Variants in PCDHA7 observed in about 807,000 individuals in gnomAD.
PCDHA7 encodes protocadherin alpha-7.
In PCDHA7, 37 loss-of-function variants were observed where a neutral mutation model predicts 57.2. The ratio of observed to expected loss-of-function variants is 0.65; its 90% confidence interval spans 0.50 to 0.85. The LOEUF (loss-of-function observed/expected upper bound fraction) is 0.85. PCDHA7 is among the 40% of genes least tolerant of loss of function. The pLI, the probability that PCDHA7 is intolerant of heterozygous loss-of-function variation, is 0.00. For synonymous variants in PCDHA7, 553 were observed against 558.8 expected (o/e 0.99, Z 0.15); for missense variants, 1,188 against 1,241.8 (o/e 0.96, Z 0.65).
At chr5:140,936,925 T>C (rs1554211273) in intron 1 of PCDHA7, among the ~76,000 whole-genome samples, 2 of 152,208 alleles carry the variant, frequency 1.3e-5, no homozygotes, top group African/African-American at 2.4e-5. Context: ...AAATATGGGG[T>C]ATATTGAAAA....
At position 141,010,104 on chromosome 5, in the gene PCDHA7, T is replaced by G; in HGVS notation, c.*167T>G. ...TGTCTAGAACGCATTTAACAGGTTTTGTCGTAAAAGCTTTACTAAGTCTGG... is the reference window on the plus strand; with the variant it reads ...TGTCTAGAACGCATTTAACAGGTTTGGTCGTAAAAGCTTTACTAAGTCTGG... On this transcript the variant is annotated 3_prime_UTR_variant, in exon 4 of 4. Coordinates refer to ENST00000525929, the MANE Select transcript of PCDHA7 (RefSeq NM_018910.3). 1 of 1,612,408 alleles carries G rather than the reference T, an allele frequency of 6.2e-7. No individual in the cohort carries two copies. Among genetic ancestry groups the G allele is most frequent in the Non-Finnish European group, 8.5e-7 (1 of 1,179,092 alleles).
At position 140,856,679 on chromosome 5, in the gene PCDHA7, T is replaced by C. The variant is rs781823964; in HGVS notation, c.2355+19941T>C. 1.0e-4 allele frequency: 165 copies of C among 1,597,704 alleles called. 10 individuals are homozygous for C. Among genetic ancestry groups the C allele is most frequent in the Non-Finnish European group, 1.4e-4 (162 of 1,167,324 alleles). On this transcript the variant is annotated intron_variant, in intron 1 of 3. Transcript: ENST00000525929. ...AGAAAATCCTCAGCTAAAGTTGTTG[T>C]TGACAGCAACTGATGGAGGCAAACC...
intron 1 of PCDHA7, chr5:140,966,387 C>G: frequency 2.5e-6 from 1 of 405,008 alleles, no homozygotes. Context: ...GGTTCGCTGT[C>G]CGCCACTTCG....
rs2150519656 is a variant in PCDHA7, at chr5:140,852,588, T to TA, written c.2355+15850_2355+15851insA. On this transcript the variant is annotated intron_variant, in intron 1 of 3. Transcript: ENST00000525929. ...ACTGTGCCAAGGCTTTTTTATTTTT[T>TA]TTTTTTGTCATTTTCTTTCAAAACT... is the stretch of plus-strand genomic sequence containing the variant. The TA allele has an allele frequency of 3.3e-3, 2,940 of 881,502 alleles. 187 individuals are homozygous for TA. In the African/African-American group the frequency reaches 0.044, roughly 13 times the overall value. The allele number at this position is 881,502 out of a possible 1,614,324, so 54.6% of individuals were successfully genotyped here.
intron 1 of PCDHA7, chr5:140,875,761 G>A (rs373515339): frequency 1.9e-6 from 3 of 1,614,236 alleles, no homozygotes; most frequent in East Asian, 2.2e-5. Flanking sequence ...GAAGCTGTGC[G>A]GGCGGAGCGC....
chr5:140,915,324 T>G (rs782080439), intron 1 of PCDHA7, among the ~76,000 whole-genome samples: 1 of 152,210 alleles, frequency 6.6e-6, no homozygotes, highest in Non-Finnish European at 1.5e-5. Flanking sequence ...ATTACAGTGT[T>G]ATAATATTCT....
chr5:140,897,289 C>T (rs1027792864), intron 1 of PCDHA7, among the ~76,000 whole-genome samples: 2 of 150,912 alleles, frequency 1.3e-5, no homozygotes, highest in Non-Finnish European at 3.0e-5. Flanking sequence ...CCCATTAACT[C>T]GTCATTTAGC....
chr5:140,997,859 T>C (rs2097788506), intron 3 of PCDHA7, among the ~76,000 whole-genome samples: 1 of 152,216 alleles, frequency 6.6e-6, no homozygotes, highest in Non-Finnish European at 1.5e-5. Context: ...TACATATTTC[T>C]TATGCATGCT....
At chr5:140,946,634 A>ATATATAT (rs1554217761) in intron 1 of PCDHA7, among the ~76,000 whole-genome samples, 3 of 147,376 alleles carry the variant, frequency 2.0e-5, no homozygotes, top group African/African-American at 5.1e-5. Context: ...ATATATATAC[A>ATATATAT]ATGGAATACT....
At chr5:140,842,571 G>T (rs1554139191) in intron 1 of PCDHA7, 2 of 1,508,202 alleles carry the variant, frequency 1.3e-6, no homozygotes, top group African/African-American at 1.5e-5. Context: ...GACCGCGAGA[G>T]AGTGTCGGCC....
rs2150234654 is a variant in PCDHA7 at position 140,835,375 on chromosome 5, C to A, written c.992C>A (p.Ala331Asp). The A allele has an allele frequency of 1.9e-6, 3 of 1,613,974 alleles. No homozygotes were observed. Among genetic ancestry groups the A allele is most frequent in the South Asian group, 1.1e-5 (1 of 91,076 alleles). The change falls in exon 1 of 4, where the codon GCT (alanine) becomes GAT (aspartate). Residue 331 changes from alanine to aspartate, a missense_variant. Around this residue, in one of 3 missense-constraint regions of PCDHA7, gnomAD observed 102 missense variants for 267.4 expected, o/e 0.38. Transcript: ENST00000525929. ...EAVDKGFPPL[A>D]GHCTVLVEVV... is the part of the protein sequence containing the mutation. ...GTCGATAAAGGCTTCCCACCCCTGGCTGGTCATTGTACAGTTCTTGTGGAA... is the reference window on the plus strand; with the variant it reads ...GTCGATAAAGGCTTCCCACCCCTGGATGGTCATTGTACAGTTCTTGTGGAA...
At chr5:140,942,638 A>T (rs1478847405) in intron 1 of PCDHA7, among the ~76,000 whole-genome samples, 1 of 152,122 alleles carries the variant, frequency 6.6e-6, no homozygotes, top group Non-Finnish European at 1.5e-5. Context: ...AAATGGCAAA[A>T]GAGATCTCAT....
chr5:140,846,727 C>T (rs2150394030), intron 1 of PCDHA7, among the ~76,000 whole-genome samples: 16 of 149,262 alleles, frequency 1.1e-4, no homozygotes, highest in Non-Finnish European at 1.2e-4. Context: ...CTTCATTAAA[C>T]ATTAAATAGG....
intron 1 of PCDHA7, among the ~76,000 whole-genome samples, chr5:140,905,871 G>C (rs889363141): frequency 6.6e-6 from 1 of 152,078 alleles, no homozygotes; most frequent in African/African-American, 2.4e-5. Context: ...ACAATCACAA[G>C]GCCCAACAAT....
chr5:140,883,445 G>A, intron 1 of PCDHA7: 1 of 1,614,164 alleles, frequency 6.2e-7, no homozygotes, highest in South Asian at 1.1e-5. Flanking sequence ...GACGCCGCAT[G>A]TCCCCTTCAA....
chr5:140,929,257 C>G, intron 1 of PCDHA7: 2 of 1,612,972 alleles, frequency 1.2e-6, no homozygotes, highest in Admixed American at 3.3e-5. Flanking sequence ...TGGGGTAGGA[C>G]TGAATTTGCC....
intron 3 of PCDHA7, among the ~76,000 whole-genome samples, chr5:140,983,637 T>G (rs1306208906): frequency 6.6e-6 from 1 of 152,232 alleles, no homozygotes; most frequent in Non-Finnish European, 1.5e-5. Context: ...TGTACCCAAG[T>G]TCACGTAGCT....
chr5:140,870,935 A>C, intron 1 of PCDHA7: 2 of 1,613,778 alleles, frequency 1.2e-6, no homozygotes, highest in African/African-American at 2.7e-5. Context: ...TATGAATTGC[A>C]GCCGGCGGCG....
At chr5:140,968,017 C>T (rs782195997) in intron 1 of PCDHA7, 2 of 1,614,216 alleles carry the variant, frequency 1.2e-6, no homozygotes, top group East Asian at 2.2e-5. Context: ...GCTTTGGAAA[C>T]TCCTATACAC....
Sources: allele counts gnomAD v4.1 joint callset (sites outside exome capture counted in the v4.1 genomes callset), GRCh38; gene constraint gnomAD v4.1.1; regional missense constraint gnomAD v4.1.1; transcripts MANE v1.5; gene names NCBI Gene and HGNC (gene_info 2026-07-23, HGNC 2026-07-21).